The following MEIS1 variants were observed in gnomAD, a reference collection of about 807,000 sequenced individuals.
MEIS1 encodes homeobox protein Meis1.
Under a neutral mutation model 50.8 loss-of-function variants are expected in MEIS1, and 5 were observed. The observed-to-expected ratio is 0.10, with a 90% CI of 0.05 to 0.21. The LOEUF (loss-of-function observed/expected upper bound fraction) is 0.21, where lower values mean the gene tolerates loss of function less well. Ranked by LOEUF, MEIS1 falls within the 10% of genes least tolerant of loss-of-function variation. The pLI is 1.00. For missense variants in MEIS1, 318 were observed against 517.3 expected, an observed-to-expected ratio of 0.61 and a Z score of 3.74; for synonymous variants, 176 against 179.3, an observed-to-expected ratio of 0.98 and a Z score of 0.15.
At chr2:66,482,406 A>T (rs897020007) in intron 7 of MEIS1, among the ~76,000 whole-genome samples, 1 of 152,160 alleles carries the variant, frequency 6.6e-6, no homozygotes, top group African/African-American at 2.4e-5. Flanking sequence ...AACAGGACCT[A>T]AGTCAGTCAG....
intron 6 of MEIS1, among the ~76,000 whole-genome samples, chr2:66,447,814 C>T (rs900802564): frequency 2.0e-5 from 3 of 152,134 alleles, no homozygotes; most frequent in African/African-American, 7.2e-5. Flanking sequence ...CTTTGCGTAG[C>T]TTCCCTCTCT....
rs767851987 is a variant in MEIS1 at position 66,439,599 on chromosome 2, T to A, written c.240-244T>A. The A allele has an allele frequency of 1.6e-5, 25 of 1,533,094 alleles. No homozygotes were observed. In the South Asian group the frequency reaches 3.0e-4, roughly 18 times the overall value. 95.0% of individuals were successfully genotyped at this position (1,533,094 alleles called of 1,614,324 possible). A position where few individuals can be genotyped will look rare whatever the true frequency, so the allele number is the denominator to read the frequency against. On this transcript the variant is annotated intron_variant, in intron 2 of 12. Transcript: ENST00000272369. ...AATGTTGCCAATTTCTCCGGCCAGA[T>A]ACGCTAAACCGATCCTCAGATACCG...
At chr2:66,536,792 C>T (rs1166617399) in intron 8 of MEIS1, among the ~76,000 whole-genome samples, 3 of 152,122 alleles carry the variant, frequency 2.0e-5, no homozygotes, top group Non-Finnish European at 4.4e-5. Flanking sequence ...AAAAAGTGGG[C>T]ATTTTGTTTT....
chr2:66,453,331 T>C (rs1672316470), intron 6 of MEIS1, among the ~76,000 whole-genome samples: 1 of 151,974 alleles, frequency 6.6e-6, no homozygotes, highest in African/African-American at 2.4e-5. Flanking sequence ...GCCTTGGGTA[T>C]GGCTGAAGAA....
In MEIS1 at chr2:66,441,750, C is replaced by T. The variant is rs984480263; in HGVS notation, c.483+286C>T. ...ATTCTGTGCATCCCAGCTGATGTTT[C>T]GAATGCTGCTCTGAGGTTGTTTCAC... is the stretch of plus-strand genomic sequence containing the variant. On this transcript the variant is annotated intron_variant, in intron 5 of 12. Transcript: ENST00000272369. 5.4e-5 allele frequency: 21 copies of T among 391,362 alleles called. No individual in the cohort carries two copies. The South Asian group carries it at 5.8e-4, about 11-fold the overall frequency. The allele number at this position is 391,362 out of a possible 1,614,324, so 24.2% of individuals were successfully genotyped here. A position where few individuals can be genotyped will look rare whatever the true frequency, so the allele number is the denominator to read the frequency against.
intron 8 of MEIS1, among the ~76,000 whole-genome samples, chr2:66,514,954 G>A (rs988270807): frequency 6.6e-6 from 1 of 152,094 alleles, no homozygotes; most frequent in Non-Finnish European, 1.5e-5. Flanking sequence ...AGAGAGTTTT[G>A]TTGTTGTTTG....
At chr2:66,529,416 G>A (rs1285162963) in intron 8 of MEIS1, among the ~76,000 whole-genome samples, 1 of 152,088 alleles carries the variant, frequency 6.6e-6, no homozygotes, top group Non-Finnish European at 1.5e-5. Flanking sequence ...AGTGACTTTT[G>A]TCATTTATTT....
chr2:66,444,720 G>A (rs113846674), intron 6 of MEIS1, among the ~76,000 whole-genome samples: 2,993 of 152,342 alleles, frequency 0.02, 60 homozygotes, highest in South Asian at 0.066. Context: ...GGGAGCTGTT[G>A]AGTGCCGATT....
At position 66,445,524 on chromosome 2, in the gene MEIS1, T is replaced by G. The variant is rs536196750; in HGVS notation, c.630+2476T>G. 2.6e-5 allele frequency among the ~76,000 whole-genome samples: 4 copies of G among 152,344 alleles called. 1 individual carries two copies. Among genetic ancestry groups the G allele is most frequent in the African/African-American group, 9.6e-5 (4 of 41,594 alleles). The stretch of plus-strand genomic sequence containing the variant: ...GCAGGAAGGATGGCCTCTCCACCTG[T>G]CTGCGAATGCAGCCCAGCCAGTTTG... On this transcript the variant is annotated intron_variant, in intron 6 of 12. Coordinates refer to ENST00000272369, the MANE Select transcript of MEIS1 (RefSeq NM_002398.3).
intron 7 of MEIS1, among the ~76,000 whole-genome samples, chr2:66,486,851 T>C (rs6737206): frequency 0.3 from 45,463 of 152,036 alleles, 9,573 homozygotes; most frequent in African/African-American, 0.6. Flanking sequence ...ATTTTATTCT[T>C]TTTGTAGCAG....
Position 66,476,233 on chromosome 2 carries a change from A to C in MEIS1, c.742+12013A>C, listed in dbSNP as rs530467877. ...CCTTAAAAATGAAAGTTCTGAGGGAATATGACTTCAGCCTATAAAGCTGGA... is the reference window on the plus strand; with the variant it reads ...CCTTAAAAATGAAAGTTCTGAGGGACTATGACTTCAGCCTATAAAGCTGGA... On this transcript the variant is annotated intron_variant, in intron 7 of 12. Coordinates refer to ENST00000272369, the MANE Select transcript of MEIS1 (RefSeq NM_002398.3). Among the ~76,000 whole-genome samples the C allele has an allele frequency of 3.3e-4, 50 of 152,292 alleles. 1 individual carries two copies. In the South Asian group the frequency reaches 9.5e-3, roughly 29 times the overall value.
chr2:66,478,943 C>G (rs1672956396), intron 7 of MEIS1, among the ~76,000 whole-genome samples: 1 of 152,194 alleles, frequency 6.6e-6, no homozygotes, highest in Admixed American at 6.5e-5. Context: ...CTTGTACTTC[C>G]TCATTCTTAT....
At chr2:66,442,270 TA>T (rs11292294) in intron 5 of MEIS1, among the ~76,000 whole-genome samples, 57,396 of 114,536 alleles carry the variant, frequency 0.5, 13,080 homozygotes, top group South Asian at 0.65. Flanking sequence ...CTCCTTTTTG[TA>T]AAAAAAAAAA....
intron 8 of MEIS1, among the ~76,000 whole-genome samples, chr2:66,539,441 T>G (rs888570946): frequency 2.6e-5 from 4 of 152,226 alleles, no homozygotes; most frequent in Non-Finnish European, 5.9e-5. Context: ...GTGGGATTTC[T>G]TCACCTATTA....
At chr2:66,440,337 C>G in intron 3 of MEIS1, 1 of 605,546 alleles carries the variant, frequency 1.7e-6, no homozygotes, top group South Asian at 2.0e-5. Flanking sequence ...GCCGTAGTTG[C>G]TAGTAGAAGT....
At chr2:66,457,614 C>T (rs1360855428) in intron 6 of MEIS1, among the ~76,000 whole-genome samples, 1 of 152,134 alleles carries the variant, frequency 6.6e-6, no homozygotes, top group Non-Finnish European at 1.5e-5. Flanking sequence ...TGAAGTCATG[C>T]ACCTTTAAGG....
chr2:66,536,914 T>TAA (rs1279962756), intron 8 of MEIS1, among the ~76,000 whole-genome samples: 5 of 152,240 alleles, frequency 3.3e-5, no homozygotes, highest in East Asian at 1.9e-4. Context: ...GAAGACTTTT[T>TAA]AAATTTTAGC....
intron 8 of MEIS1, among the ~76,000 whole-genome samples, chr2:66,516,511 G>A (rs1388379888): frequency 6.6e-6 from 1 of 151,642 alleles, no homozygotes; most frequent in Non-Finnish European, 1.5e-5. Flanking sequence ...AAGTGTTTTT[G>A]TTTCATTTTC....
At chr2:66,519,106 G>A (rs1232491838) in intron 8 of MEIS1, among the ~76,000 whole-genome samples, 1 of 152,090 alleles carries the variant, frequency 6.6e-6, no homozygotes, top group East Asian at 1.9e-4. Context: ...CCCCTAAGTA[G>A]CCTTGTCCAA....
Sources: gnomAD v4.1 joint callset for allele counts (sites outside exome capture counted in the v4.1 genomes callset) on GRCh38, gnomAD v4.1.1 for gene constraint, MANE v1.5 for transcripts, NCBI Gene and HGNC (gene_info 2026-07-23, HGNC 2026-07-21) for gene names.